The following RALGDS variants were observed in gnomAD, a reference collection of about 807,000 sequenced individuals.
RALGDS encodes ral guanine nucleotide dissociation stimulator, also known as ral guanine nucleotide exchange factor.
In RALGDS, 44 loss-of-function variants were observed where a neutral mutation model predicts 99.8. The observed-to-expected ratio is 0.44, with a 90% CI of 0.35 to 0.57. RALGDS has a LOEUF of 0.57. RALGDS is among the 20% of genes least tolerant of loss of function. The probability of loss-of-function intolerance (pLI) is 0.01; values close to 1 mark genes in which losing one functional copy is unlikely to be tolerated. For synonymous variants in RALGDS, 529 were observed against 505.0 expected (o/e 1.05, Z -0.64); for missense variants, 1,022 against 1,203.1 (o/e 0.85, Z 2.23).
intron 4 of RALGDS, 100 bp downstream of exon 4, chr9:133,109,526 G>C: frequency 9.1e-7 from 1 of 1,095,976 alleles, no homozygotes; most frequent in Non-Finnish European, 1.4e-6. Flanking sequence ...TGGGAGCCAG[G>C]GTTCTGCCCA....
intron 16 of RALGDS, 65 bp from the exon 17 acceptor site, chr9:133,100,447 T>C (rs1161484227): frequency 1.2e-6 from 2 of 1,609,996 alleles, no homozygotes; most frequent in African/African-American, 2.7e-5. Flanking sequence ...CAGAGTGCAG[T>C]GGCCAAGGAC....
chr9:133,100,292 G>C lies in RALGDS; in HGVS notation c.2545C>G (p.Leu849Val). Residue 849 changes from leucine to valine, a missense_variant, in exon 17 of 18, where the codon CTG becomes GTG. Coordinates refer to ENST00000372050, the MANE Select transcript of RALGDS (RefSeq NM_006266.4). ...EEEEPEDYEL[L>V]QILSDDRKLK... ...CTCCGGTCATCTGAGAGAATCTGCA[G>C]CAGCTCATAGTCCTCCGGCTCCTCC... 2 of 1,614,228 alleles carry C rather than the reference G, an allele frequency of 1.2e-6. No individual in the cohort carries two copies. The highest frequency in any genetic ancestry group is 1.7e-6 in the Non-Finnish European group (2 of 1,180,032).
At chr9:133,138,214 C>T (rs142576482) in intron 1 of RALGDS, among the ~76,000 whole-genome samples, 62 of 152,322 alleles carry the variant, frequency 4.1e-4, no homozygotes, top group African/African-American at 1.4e-3. Flanking sequence ...TCTCACAGTC[C>T]TTTGCCTGCA....
At position 133,108,824 on chromosome 9, in the gene RALGDS, C is replaced by T. The variant is rs748952668; in HGVS notation, c.627G>A (p.Ser209=). The change falls in exon 5 of 18, where the codon TCG becomes TCA. Residue 209 remains serine (S), a synonymous_variant. Coordinates refer to ENST00000372050, the MANE Select transcript of RALGDS (RefSeq NM_006266.4). ...SILGTWLDQY[S]EDFCQPPDFP... is the part of the protein sequence containing the mutation. Reference sequence around the variant, plus strand: ...AGTCCGGAGGTTGACAGAAATCCTCCGAGTACTGGTCCAGCCAGGTGCCCA... The same window carrying T: ...AGTCCGGAGGTTGACAGAAATCCTCTGAGTACTGGTCCAGCCAGGTGCCCA... 5.0e-6 allele frequency: 8 copies of T among 1,613,240 alleles called. No homozygotes were observed. The Admixed American group carries it at 5.0e-5, about 10-fold the overall frequency.
intron 12 of RALGDS, 38 bp from the exon 13 acceptor site, chr9:133,102,938 C>A (rs73662448): frequency 2.5e-6 from 4 of 1,610,164 alleles, no homozygotes; most frequent in Non-Finnish European, 2.5e-6. Context: ...TGACAAGGCC[C>A]CCCGGGCAGC....
intron 1 of RALGDS, among the ~76,000 whole-genome samples, chr9:133,127,837 C>T (rs1832210706): frequency 6.6e-6 from 1 of 152,256 alleles, no homozygotes; most frequent in Admixed American, 6.5e-5. Context: ...CACTGGGTGG[C>T]AGATGTGACA....
At chr9:133,101,795 T>C (rs1588509229) in intron 15 of RALGDS, 33 bp from the exon 16 acceptor site, 5 of 1,574,678 alleles carry the variant, frequency 3.2e-6, no homozygotes, top group Non-Finnish European at 4.3e-6. Context: ...CAGATCCCAC[T>C]GCCCTGTGGG....
chr9:133,138,997 C>T (rs974042826), intron 1 of RALGDS, among the ~76,000 whole-genome samples: 1 of 152,172 alleles, frequency 6.6e-6, no homozygotes, highest in Non-Finnish European at 1.5e-5. Flanking sequence ...ACTGTGGCAA[C>T]GTGCTGTCCC....
At chr9:133,148,059 C>G (rs969047888) in intron 1 of RALGDS, among the ~76,000 whole-genome samples, 1 of 152,166 alleles carries the variant, frequency 6.6e-6, no homozygotes, top group African/African-American at 2.4e-5. Context: ...TTCAGCCCCC[C>G]CGGCTTCTCT....
At chr9:133,138,168 C>G (rs2119264946) in intron 1 of RALGDS, among the ~76,000 whole-genome samples, 1 of 152,296 alleles carries the variant, frequency 6.6e-6, no homozygotes, top group East Asian at 1.9e-4. Flanking sequence ...TGGCTGGCTG[C>G]CAGGAGGTGG....
intron 3 of RALGDS, among the ~76,000 whole-genome samples, chr9:133,109,983 T>C (rs1239669816): frequency 1.3e-5 from 2 of 152,126 alleles, no homozygotes; most frequent in South Asian, 2.1e-4. Context: ...GAAAACTGCT[T>C]CGCCCAAGGC....
chr9:133,147,387 G>A (rs746129179), intron 1 of RALGDS, among the ~76,000 whole-genome samples: 1 of 152,180 alleles, frequency 6.6e-6, no homozygotes, highest in Non-Finnish European at 1.5e-5. Context: ...TTTGTGCCCT[G>A]TCCATCGCCC....
Position 133,100,391 on chromosome 9 carries a change from C to T in RALGDS, c.2455-9G>A, listed in dbSNP as rs376010832. On this transcript the variant is annotated splice_polypyrimidine_tract_variant and intron_variant, in intron 16 of 17. Transcript: ENST00000372050. ...TTATCTTGGCTGGTCACCTGCATCGCGGCGGGGGATGGACCATCAGGGAAA... is the reference window on the plus strand; with the variant it reads ...TTATCTTGGCTGGTCACCTGCATCGTGGCGGGGGATGGACCATCAGGGAAA... 26 of 1,613,836 alleles carry T rather than the reference C, an allele frequency of 1.6e-5. No individual in the cohort carries two copies. The highest frequency in any genetic ancestry group is 3.3e-4 in the Middle Eastern group (2 of 6,074).
At position 133,107,955 on chromosome 9, in the gene RALGDS, C is replaced by G. The variant is rs781730318; in HGVS notation, c.1197+33G>C. On this transcript the variant is annotated intron_variant, in intron 6 of 17. Coordinates refer to ENST00000372050, the MANE Select transcript of RALGDS (RefSeq NM_006266.4). ...ACAGCAGATGCTGCCAGAAGGCAGG[C>G]CCACCCCTGCCCTGCCAAGCTGAGC... 6 of 1,610,104 alleles carry G rather than the reference C, an allele frequency of 3.7e-6. No homozygotes were observed. The South Asian group carries it at 6.6e-5, about 18-fold the overall frequency.
rs577300175 is a variant in RALGDS, at chr9:133,138,325, G to A, written c.18+10638C>T. On this transcript the variant is annotated intron_variant, in intron 1 of 17. Transcript: ENST00000393160. ...CCACCCTCCTGCCACCCACTGTCCC[G>A]TTAATCCCTGGGCTTGGCTCCTTCC... Among the ~76,000 whole-genome samples the A allele has an allele frequency of 2.6e-5, 4 of 152,290 alleles. No individual in the cohort carries two copies. In the South Asian group the frequency reaches 6.2e-4, roughly 24 times the overall value.
chr9:133,131,033 C>G, exon 1 of RALGDS: 1 of 1,533,402 alleles, frequency 6.5e-7, no homozygotes, highest in African/African-American at 1.4e-5. Context: ...ACAGCAGAGG[C>G]GGGGAGGAGA....
At chr9:133,124,303 G>C (rs1416747392), upstream of RALGDS, among the ~76,000 whole-genome samples, 1 of 151,230 alleles carries the variant, frequency 6.6e-6, no homozygotes, top group African/African-American at 2.4e-5. Context: ...TAGAGACGGA[G>C]ACACACACAC....
chr9:133,144,943 T>TGGACAGACACGCACAGGC lies in RALGDS; in HGVS notation c.18+4002_18+4019dup, dbSNP rs1270540148. Among the ~76,000 whole-genome samples, 1 of 152,122 alleles carries TGGACAGACACGCACAGGC rather than the reference T, an allele frequency of 6.6e-6. No individual in the cohort carries two copies. The highest frequency in any genetic ancestry group is 6.5e-5 in the Admixed American group (1 of 15,276). ...CTATCCTTATGATAACAGGGAAAAT[T>TGGACAGACACGCACAGGC]GGACAGACACGCACAGGCGGACAGA... is the stretch of plus-strand genomic sequence containing the variant. On this transcript the variant is annotated intron_variant, in intron 1 of 17. Transcript: ENST00000393160. The surrounding 1 kb of genome is among the most constrained non-coding windows in gnomAD (Gnocchi z 4.5).
chr9:133,138,659 A>T (rs1832465031), intron 1 of RALGDS, among the ~76,000 whole-genome samples: 1 of 152,088 alleles, frequency 6.6e-6, no homozygotes, highest in Non-Finnish European at 1.5e-5. Context: ...TTGTTTGTTT[A>T]TCTGAGACAG....
Sources: gnomAD v4.1 joint callset for allele counts (sites outside exome capture counted in the v4.1 genomes callset) on GRCh38, gnomAD v4.1.1 for gene constraint, Gnocchi (gnomAD v3.1) non-coding constraint, MANE v1.5 for transcripts, NCBI Gene and HGNC (gene_info 2026-07-23, HGNC 2026-07-21) for gene names.